NECTIN3: variants seen among roughly 807,000 people sequenced by gnomAD.
NECTIN3 encodes nectin cell adhesion molecule 3, also known as nectin-3.
A neutral mutation model predicts 49.4 loss-of-function variants in NECTIN3; 8 were observed. The ratio of observed to expected loss-of-function variants is 0.16; its 90% confidence interval spans 0.10 to 0.29. The LOEUF (loss-of-function observed/expected upper bound fraction) is 0.29. Among genes scored for constraint, NECTIN3 ranks in the 10% least tolerant of loss-of-function variants. NECTIN3 has a pLI of 1.00. For missense variants in NECTIN3, 581 were observed against 654.6 expected (o/e 0.89, Z 1.23); for synonymous variants, 277 against 241.1 (o/e 1.15, Z -1.38).
At position 111,118,248 on chromosome 3, in the gene NECTIN3, CTATATATATATATATATA is replaced by C. The variant is rs34878535; in HGVS notation, c.503-390_503-373del. ...AAAATTTTTTTACTGTAAAATGAAG[CTATATATATATATATATA>C]TATATATATATATATATTATACATA... On this transcript the variant is annotated intron_variant, in intron 2 of 5. Coordinates refer to ENST00000485303, the MANE Select transcript of NECTIN3 (RefSeq NM_015480.3). Among the ~76,000 whole-genome samples the C allele has an allele frequency of 1.1e-3, 82 of 78,004 alleles. 2 individuals are homozygous for C. The South Asian group carries it at 0.018, about 17-fold the overall frequency. 51.2% of individuals were successfully genotyped at this position (78,004 alleles called of 152,430 possible). A position where few individuals can be genotyped will look rare whatever the true frequency, so the allele number is the denominator to read the frequency against.
At chr3:111,094,867 A>C (rs897751434) in intron 1 of NECTIN3, among the ~76,000 whole-genome samples, 4 of 152,230 alleles carry the variant, frequency 2.6e-5, no homozygotes, top group Admixed American at 2.6e-4. Flanking sequence ...ATATTTGCAC[A>C]AAGAGTGAAC....
rs1239505388 is a variant in NECTIN3 at position 111,192,496 on chromosome 3, G to A, written c.63+83G>A. The A allele has an allele frequency of 5.4e-6, 7 of 1,292,422 alleles. No homozygotes were observed. The Admixed American group carries it at 1.3e-4, about 24-fold the overall frequency. 80.1% of individuals were successfully genotyped at this position (1,292,422 alleles called of 1,614,324 possible). A position where few individuals can be genotyped will look rare whatever the true frequency, so the allele number is the denominator to read the frequency against. ...TAAAATATCATTTAATTGTATACAAGTTCATTTTATTCATCTTTCCCCTAT... is the reference window on the plus strand; with the variant it reads ...TAAAATATCATTTAATTGTATACAAATTCATTTTATTCATCTTTCCCCTAT... On this transcript the variant is annotated intron_variant, in intron 1 of 1. Coordinates refer to the NECTIN3 transcript ENST00000485506.
intron 1 of NECTIN3, among the ~76,000 whole-genome samples, chr3:111,105,105 T>C (rs1176252718): frequency 6.6e-6 from 1 of 151,812 alleles, no homozygotes; most frequent in Non-Finnish European, 1.5e-5. Context: ...ATTTCATCTT[T>C]TTTTCTTTTT....
At chr3:111,154,643 C>G (rs1047966788) in intron 7 of NECTIN3, among the ~76,000 whole-genome samples, 6 of 152,096 alleles carry the variant, frequency 3.9e-5, no homozygotes, top group South Asian at 4.1e-4. Context: ...CATACCCTTA[C>G]CAACACTTAT....
At chr3:111,193,396 A>G (rs1159592362) in intron 1 of NECTIN3, 4 of 1,527,586 alleles carry the variant, frequency 2.6e-6, no homozygotes, top group South Asian at 1.2e-5. Flanking sequence ...TCTTTTTCCA[A>G]TGGGCGTTCT....
intron 5 of NECTIN3, among the ~76,000 whole-genome samples, chr3:111,131,815 C>G (rs1180802720): frequency 6.6e-6 from 1 of 151,728 alleles, no homozygotes; most frequent in Non-Finnish European, 1.5e-5. Flanking sequence ...CTGAAAAAAA[C>G]TAGCATATAA....
intron 6 of NECTIN3, among the ~76,000 whole-genome samples, chr3:111,146,714 G>A (rs1359582975): frequency 6.6e-6 from 1 of 151,994 alleles, no homozygotes. Context: ...TACTGAAAAT[G>A]TTATCTGTGA....
intron 7 of NECTIN3, among the ~76,000 whole-genome samples, chr3:111,163,470 A>G (rs1227472451): frequency 1.3e-5 from 2 of 152,254 alleles, no homozygotes; most frequent in African/African-American, 4.8e-5. Flanking sequence ...TTTTTGGAAA[A>G]TACAATCTTT....
chr3:111,193,268 G>C (rs1211865138), intron 1 of NECTIN3: 13 of 1,535,602 alleles, frequency 8.5e-6, no homozygotes, highest in Non-Finnish European at 1.1e-5. Context: ...GCATTCAGCA[G>C]ATGTACCCCC....
At chr3:111,088,742 A>C (rs2032081472) in intron 1 of NECTIN3, among the ~76,000 whole-genome samples, 1 of 151,740 alleles carries the variant, frequency 6.6e-6, no homozygotes, top group Admixed American at 6.6e-5. Flanking sequence ...TTGCTATTTT[A>C]TTTTCTTTCC....
At chr3:111,193,055 G>T (rs2107540233) in intron 1 of NECTIN3, 1 of 694,424 alleles carries the variant, frequency 1.4e-6, no homozygotes, top group South Asian at 2.1e-5. Context: ...ATAAGTTGTT[G>T]AACTTTACCT....
At chr3:111,154,173 A>G (rs963001902) in intron 7 of NECTIN3, among the ~76,000 whole-genome samples, 4 of 152,086 alleles carry the variant, frequency 2.6e-5, no homozygotes, top group Non-Finnish European at 5.9e-5. Flanking sequence ...CTAGTCCTTT[A>G]CCAGCTTCTC....
intron 7 of NECTIN3, among the ~76,000 whole-genome samples, chr3:111,176,324 T>A: frequency 6.6e-6 from 1 of 152,242 alleles, no homozygotes; most frequent in East Asian, 1.9e-4. Context: ...TTGTATTATC[T>A]GCTTCACTTT....
Position 111,072,037 on chromosome 3 carries a change from C to T in NECTIN3, c.20C>T (p.Pro7Leu). 3.3e-6 allele frequency: 5 copies of T among 1,535,526 alleles called. No homozygotes were observed. Among genetic ancestry groups the T allele is most frequent in the Non-Finnish European group, 4.4e-6 (5 of 1,140,582 alleles). Residue 7 changes from proline (P) to leucine (L), a missense_variant, in exon 1 of 6, where the codon CCG becomes CTG. By Grantham distance (98) the Pro-to-Leu change is moderately conservative. Transcript: ENST00000485303. ...TGGGGGATGGCGCGGACCCTGCGGCCGTCCCCGCTGTGTCCTGGAGGCGGC... is the reference window on the plus strand; with the variant it reads ...TGGGGGATGGCGCGGACCCTGCGGCTGTCCCCGCTGTGTCCTGGAGGCGGC... MARTLR[P>L]SPLCPGGGKA...
chr3:111,071,976 C>CCGGGGGGCGGGCGGG lies in NECTIN3; in HGVS notation c.-39_-25dup. 1 of 1,356,128 alleles carries CCGGGGGGCGGGCGGG rather than the reference C, an allele frequency of 7.4e-7. No individual in the cohort carries two copies. 84.0% of individuals were successfully genotyped at this position (1,356,128 alleles called of 1,614,324 possible). A position where few individuals can be genotyped will look rare whatever the true frequency, so the allele number is the denominator to read the frequency against. ...GCCTGAGGCGCCGGGGCCGGGGGAG[C>CCGGGGGGCGGGCGGG]CGGGGGGCGGGCGGGCGAGCGGGCC... On this transcript the variant is annotated 5_prime_UTR_variant, in exon 1 of 6. Coordinates refer to ENST00000485303, the MANE Select transcript of NECTIN3 (RefSeq NM_015480.3).
intron 1 of NECTIN3, among the ~76,000 whole-genome samples, chr3:111,106,603 G>A (rs1276975458): frequency 1.3e-5 from 2 of 152,104 alleles, no homozygotes; most frequent in Admixed American, 6.6e-5. Context: ...AACAAATCAG[G>A]TTAATTACTG....
At chr3:111,124,981 G>C (rs1258065925) in intron 4 of NECTIN3, among the ~76,000 whole-genome samples, 1 of 149,320 alleles carries the variant, frequency 6.7e-6, no homozygotes, top group East Asian at 2.0e-4. Flanking sequence ...TGTAGTAGTT[G>C]AGCACCTAGG....
intron 1 of NECTIN3, chr3:111,193,526 C>A: frequency 1.1e-6 from 1 of 911,080 alleles, no homozygotes; most frequent in Non-Finnish European, 1.6e-6. Flanking sequence ...GACGTAAAGC[C>A]AATAGCAAAT....
intron 1 of NECTIN3, among the ~76,000 whole-genome samples, chr3:111,079,403 C>CTTTCAT (rs1559763517): frequency 2.0e-5 from 3 of 151,574 alleles, no homozygotes; most frequent in African/African-American, 2.4e-5. Context: ...TTTAAATGTC[C>CTTTCAT]TTTCATTATA....
Sources: allele counts gnomAD v4.1 joint callset (sites outside exome capture counted in the v4.1 genomes callset), GRCh38; gene constraint gnomAD v4.1.1; transcripts MANE v1.5; gene names NCBI Gene and HGNC (gene_info 2026-07-23, HGNC 2026-07-21).